Variants in SPATS2 observed in about 807,000 individuals in gnomAD.
The protein encoded by SPATS2 is spermatogenesis-associated serine-rich protein 2.
In SPATS2, 38 loss-of-function variants were observed where a neutral mutation model predicts 63.7. That is an observed-to-expected ratio of 0.60 (90% CI 0.46 to 0.78). The LOEUF (loss-of-function observed/expected upper bound fraction) is 0.78. Among genes scored for constraint, SPATS2 ranks in the 30% least tolerant of loss-of-function variants. SPATS2 has a pLI of 0.00. For missense variants in SPATS2, 588 were observed against 666.2 expected, an observed-to-expected ratio of 0.88 and a Z score of 1.29; for synonymous variants, 207 against 232.9, an observed-to-expected ratio of 0.89 and a Z score of 1.01.
chr12:49,461,901 A>T (rs1260373324), intron 3 of SPATS2, among the ~76,000 whole-genome samples: 1 of 152,228 alleles, frequency 6.6e-6, no homozygotes. Context: ...ACTAAAGCTG[A>T]ACTGTTCTGT....
At chr12:49,385,574 A>G (rs1308258552) in intron 2 of SPATS2, among the ~76,000 whole-genome samples, 2 of 152,160 alleles carry the variant, frequency 1.3e-5, no homozygotes, top group Non-Finnish European at 2.9e-5. Context: ...AAGCCCACCC[A>G]TCAAGTAGGT....
At chr12:49,476,839 C>G (rs941448811) in intron 3 of SPATS2, among the ~76,000 whole-genome samples, 8 of 152,236 alleles carry the variant, frequency 5.3e-5, no homozygotes, top group Non-Finnish European at 8.8e-5. Context: ...GGCGCGGTGG[C>G]TCACGCCTGT....
At chr12:49,502,749 G>T (rs567723795) in intron 9 of SPATS2, among the ~76,000 whole-genome samples, 1 of 152,214 alleles carries the variant, frequency 6.6e-6, no homozygotes, top group South Asian at 2.1e-4. Context: ...AAGCCACTGC[G>T]CCTGGCTGTC....
chr12:49,520,663 CTT>C (rs1311892001), intron 11 of SPATS2, among the ~76,000 whole-genome samples: 2 of 151,914 alleles, frequency 1.3e-5, no homozygotes, highest in African/African-American at 4.8e-5. Context: ...GAAAAATTAT[CTT>C]TGAGATGTTT....
intron 5 of SPATS2, 70 bp from the exon 6 acceptor site, chr12:49,490,612 G>A: frequency 1.4e-6 from 2 of 1,394,504 alleles, no homozygotes; most frequent in East Asian, 2.3e-5. Context: ...CAAAATGGGA[G>A]GACACTGACT....
At chr12:49,378,618 CAG>C (rs748713290) in intron 2 of SPATS2, among the ~76,000 whole-genome samples, 2 of 147,536 alleles carry the variant, frequency 1.4e-5, no homozygotes, top group Non-Finnish European at 3.0e-5. Flanking sequence ...TTTTTTGAGA[CAG>C]GGTCTAGCCC....
At chr12:49,448,867 TG>T (rs1322366624) in intron 2 of SPATS2, among the ~76,000 whole-genome samples, 1 of 152,228 alleles carries the variant, frequency 6.6e-6, no homozygotes, top group Non-Finnish European at 1.5e-5. Flanking sequence ...GAATTTCTTA[TG>T]ATCTATTATA....
chr12:49,367,535 G>A lies in SPATS2; in HGVS notation c.-359G>A. 2.5e-6 allele frequency: 1 copy of A among 398,478 alleles called. No homozygotes were observed. The highest frequency in any genetic ancestry group is 4.4e-6 in the Non-Finnish European group (1 of 226,172). 24.7% of individuals were successfully genotyped at this position (398,478 alleles called of 1,614,324 possible). On this transcript the variant is annotated 5_prime_UTR_variant, in exon 1 of 14. Transcript: ENST00000552918. ...CTCTTCTCAGACCCGGGAGCGTCCG[G>A]GACGCGGAGCCCGGAGCTGGGGCGA... is the stretch of plus-strand genomic sequence containing the variant.
intron 3 of SPATS2, among the ~76,000 whole-genome samples, chr12:49,465,556 G>A (rs1002576658): frequency 6.6e-5 from 10 of 151,878 alleles, no homozygotes; most frequent in African/African-American, 1.7e-4. Flanking sequence ...TCTTATTATC[G>A]AATTCTAAGA....
chr12:49,440,799 G>A (rs1234991884), intron 2 of SPATS2, among the ~76,000 whole-genome samples: 1 of 152,120 alleles, frequency 6.6e-6, no homozygotes, highest in African/African-American at 2.4e-5. Context: ...CCAGTTGTTG[G>A]CAGATTGTCC....
chr12:49,383,814 C>T (rs1026623048), intron 2 of SPATS2, among the ~76,000 whole-genome samples: 5 of 152,084 alleles, frequency 3.3e-5, no homozygotes, highest in African/African-American at 1.2e-4. Flanking sequence ...TTTAATGAAC[C>T]ACTTTTTTAT....
chr12:49,526,148 A>G lies in SPATS2; in HGVS notation c.1531A>G (p.Asn511Asp). 1 of 1,614,186 alleles carries G rather than the reference A, an allele frequency of 6.2e-7. No individual in the cohort carries two copies. Among genetic ancestry groups the G allele is most frequent in the Non-Finnish European group, 8.5e-7 (1 of 1,180,028 alleles). ...AGGCCAGACTCACTCTGCAGGGACC[A>G]ATGGAACTGGAGTCAGCATGGAGCC... ...ERGQTHSAGT[N>D]GTGVSMEPSP... is the part of the protein sequence containing the mutation. The change falls in exon 14 of 14, where the codon AAT (asparagine) becomes GAT (aspartate). Residue 511 changes from asparagine to aspartate, a missense_variant. Coordinates refer to ENST00000552918, the MANE Select transcript of SPATS2 (RefSeq NM_023071.4).
chr12:49,376,735 T>G (rs1045050961), intron 2 of SPATS2, among the ~76,000 whole-genome samples: 22 of 79,328 alleles, frequency 2.8e-4, no homozygotes, highest in Non-Finnish European at 4.5e-4. Flanking sequence ...TTTTTTTTTT[T>G]GAGACGGAGT....
intron 9 of SPATS2, among the ~76,000 whole-genome samples, chr12:49,508,745 CT>C (rs543241049): frequency 0.088 from 12,568 of 142,116 alleles, 589 homozygotes; most frequent in African/African-American, 0.12. Context: ...CTGGCTCAGC[CT>C]TTTTTTTTTT....
At chr12:49,427,977 C>T (rs1442047829) in intron 2 of SPATS2, among the ~76,000 whole-genome samples, 12 of 151,884 alleles carry the variant, frequency 7.9e-5, no homozygotes, top group Middle Eastern at 3.4e-3. Context: ...AATTTCAGGC[C>T]GGGCGCGGTG....
chr12:49,432,103 T>A (rs1056416262), intron 2 of SPATS2, among the ~76,000 whole-genome samples: 1 of 152,230 alleles, frequency 6.6e-6, no homozygotes, highest in Admixed American at 6.5e-5. Flanking sequence ...CTCACTTAGA[T>A]GTGAGGGGCC....
At chr12:49,398,852 G>GT (rs1944557713) in intron 2 of SPATS2, among the ~76,000 whole-genome samples, 1 of 152,156 alleles carries the variant, frequency 6.6e-6, no homozygotes, top group Non-Finnish European at 1.5e-5. Flanking sequence ...TATCCAGGTG[G>GT]AGATGTACAT....
chr12:49,442,596 CT>C, intron 2 of SPATS2: 1 of 156,170 alleles, frequency 6.4e-6, no homozygotes. Context: ...TTCCTGCTGT[CT>C]TTTTTGGCTT....
intron 2 of SPATS2, among the ~76,000 whole-genome samples, chr12:49,418,146 ACT>A (rs1448805278): frequency 9.2e-6 from 1 of 108,862 alleles, no homozygotes; most frequent in Non-Finnish European, 1.7e-5. Context: ...GCAGGGTCTC[ACT>A]CTGTTGCATA....
Sources: gnomAD v4.1 joint callset for allele counts (sites outside exome capture counted in the v4.1 genomes callset) on GRCh38, gnomAD v4.1.1 for gene constraint, MANE v1.5 for transcripts, NCBI Gene and HGNC (gene_info 2026-07-23, HGNC 2026-07-21) for gene names.